The following MYLK4 variants were observed in gnomAD, a reference collection of about 807,000 sequenced individuals.
The protein encoded by MYLK4 is caMLCK like.
Under a neutral mutation model 48.1 loss-of-function variants are expected in MYLK4, and 46 were observed. The ratio of observed to expected loss-of-function variants is 0.96; its 90% CI spans 0.75 to 1.22. The LOEUF is 1.22. Ranked by LOEUF, MYLK4 falls within the 50% of genes most tolerant of loss-of-function variation. MYLK4 has a pLI of 0.00. For missense variants in MYLK4, 451 were observed against 486.1 expected, an observed-to-expected ratio of 0.93 and a Z score of 0.68; for synonymous variants, 170 against 180.8, an observed-to-expected ratio of 0.94 and a Z score of 0.48.
At chr6:2,709,892 C>T (rs947660426) in intron 2 of MYLK4, among the ~76,000 whole-genome samples, 1 of 152,190 alleles carries the variant, frequency 6.6e-6, no homozygotes, top group Non-Finnish European at 1.5e-5. Context: ...AATACTGTCT[C>T]TGTCCCCAAG....
At chr6:2,755,197 A>G (rs9405585), upstream of MYLK4, among the ~76,000 whole-genome samples, 1 of 152,222 alleles carries the variant, frequency 6.6e-6, no homozygotes, top group African/African-American at 2.4e-5. Context: ...TATTACATAA[A>G]GTTTCAGTTT....
chr6:2,749,127 C>G lies in MYLK4; in HGVS notation c.159+9G>C, dbSNP rs774610486. 2 of 1,610,958 alleles carry G rather than the reference C, an allele frequency of 1.2e-6. No homozygotes were observed. Among genetic ancestry groups the G allele is most frequent in the Admixed American group, 3.4e-5 (2 of 59,564 alleles). ...TACTTTTTAGGAGACTAAATTAGAA[C>G]ATGATTACCTCATTATGTCCAGATC... On this transcript the variant is annotated intron_variant, in intron 2 of 12. Transcript: ENST00000274643.
chr6:2,709,672 GATTGA>G (rs1452287949), intron 2 of MYLK4, among the ~76,000 whole-genome samples: 3 of 152,246 alleles, frequency 2.0e-5, no homozygotes, highest in Non-Finnish European at 4.4e-5. Context: ...TTCAGTCACA[GATTGA>G]ATTGAGTTGA....
intron 2 of MYLK4, among the ~76,000 whole-genome samples, chr6:2,714,238 C>T (rs1202734989): frequency 2.0e-5 from 3 of 152,212 alleles, no homozygotes; most frequent in African/African-American, 7.2e-5. Flanking sequence ...ATTAGCATAA[C>T]ACATCTCACC....
At chr6:2,750,033 T>C (rs181878487) in intron 1 of MYLK4, among the ~76,000 whole-genome samples, 84 of 152,316 alleles carry the variant, frequency 5.5e-4, no homozygotes, top group Admixed American at 4.8e-3. Context: ...GCAAATGAAG[T>C]AATGCAGCAT....
intron 2 of MYLK4, among the ~76,000 whole-genome samples, chr6:2,724,852 A>G (rs1373067327): frequency 6.6e-6 from 1 of 152,222 alleles, no homozygotes; most frequent in Non-Finnish European, 1.5e-5. Context: ...GTTAAAGCCC[A>G]TAACACAACT....
chr6:2,711,105 A>G (rs1762656698), intron 2 of MYLK4, among the ~76,000 whole-genome samples: 1 of 152,160 alleles, frequency 6.6e-6, no homozygotes, highest in Admixed American at 6.6e-5. Context: ...GGGTGGGAAC[A>G]TCCTCCTCCG....
chr6:2,723,061 G>T lies in MYLK4; in HGVS notation c.159+26075C>A, dbSNP rs184804654. ...GATCCCAGCACTTTGGGAGGCTGAG[G>T]GGGGAGGATTGCATGAGCTCAGGAA... is the stretch of plus-strand genomic sequence containing the variant. On this transcript the variant is annotated intron_variant, in intron 2 of 12. Transcript: ENST00000274643. 1.2e-3 allele frequency among the ~76,000 whole-genome samples: 179 copies of T among 152,220 alleles called. 2 individuals carry two copies. The highest frequency in any genetic ancestry group is 2.2e-3 in the Non-Finnish European group (148 of 68,016).
chr6:2,767,062 C>T, the MYLK4 span, among the ~76,000 whole-genome samples: 272 of 152,322 alleles, frequency 1.8e-3, 5 homozygotes, highest in East Asian at 0.039. Flanking sequence ...TCATTTTCAT[C>T]CGGTATTTCC....
chr6:2,768,586 A>G, the MYLK4 span: 20 of 919,416 alleles, frequency 2.2e-5, no homozygotes, highest in Middle Eastern at 4.2e-3. Context: ...TCCGAGGTCA[A>G]GTTGCTTTTG....
intron 2 of MYLK4, among the ~76,000 whole-genome samples, chr6:2,698,272 C>T (rs995424986): frequency 1.3e-5 from 2 of 152,242 alleles, no homozygotes; most frequent in Admixed American, 1.3e-4. Flanking sequence ...CCCTGTCCTA[C>T]AGCTCTGTCC....
intron 2 of MYLK4, among the ~76,000 whole-genome samples, chr6:2,730,214 G>A (rs939823871): frequency 2.6e-5 from 4 of 152,300 alleles, no homozygotes; most frequent in Admixed American, 6.5e-5. Flanking sequence ...GAGGGGAAGC[G>A]CTGTCAGCTG....
intron 12 of MYLK4, 71 bp downstream of exon 12, chr6:2,671,205 T>G (rs1230472134): frequency 9.3e-7 from 1 of 1,080,870 alleles, no homozygotes; most frequent in African/African-American, 1.6e-5. Context: ...TGTGAGCAAA[T>G]GCTCCATTTA....
At chr6:2,687,860 C>T (rs556251089) in intron 4 of MYLK4, among the ~76,000 whole-genome samples, 30 of 152,298 alleles carry the variant, frequency 2.0e-4, no homozygotes, top group East Asian at 3.9e-4. Flanking sequence ...TGTATGTATA[C>T]GTGCAGATGT....
In MYLK4 at chr6:2,685,210, G is replaced by A; in HGVS notation, c.545+86C>T. 2 of 971,192 alleles carry A rather than the reference G, an allele frequency of 2.1e-6. No homozygotes were observed. The highest frequency in any genetic ancestry group is 3.3e-6 in the Non-Finnish European group (2 of 605,180). 60.2% of individuals were successfully genotyped at this position (971,192 alleles called of 1,614,324 possible). On this transcript the variant is annotated intron_variant, in intron 6 of 12. Coordinates refer to ENST00000274643, the MANE Select transcript of MYLK4 (RefSeq NM_001012418.5). The surrounding 1 kb of genome is among the most constrained non-coding windows in gnomAD (Gnocchi z 4.5). Reference sequence around the variant, plus strand: ...CGGGGGCGAGCTTGGTTCTGGTCCCGCTACAGCAGGACGGAGCTACTGAGG... The same window carrying A: ...CGGGGGCGAGCTTGGTTCTGGTCCCACTACAGCAGGACGGAGCTACTGAGG...
chr6:2,765,336 CACTT>C, the MYLK4 span: 13 of 260,244 alleles, frequency 5.0e-5, 1 homozygote, highest in Middle Eastern at 1.2e-3. Context: ...CCACGGACTA[CACTT>C]ACTTACATGC....
chr6:2,765,567 C>T, the MYLK4 span: 1 of 1,401,500 alleles, frequency 7.1e-7, no homozygotes, highest in Non-Finnish European at 9.2e-7. Flanking sequence ...CGAAGGCCTC[C>T]GCGTGCGCAC....
chr6:2,735,724 G>A (rs577053464), intron 2 of MYLK4, among the ~76,000 whole-genome samples: 1 of 152,304 alleles, frequency 6.6e-6, no homozygotes, highest in East Asian at 1.9e-4. Flanking sequence ...TGTAGTCGAT[G>A]CAAACTGGGG....
intron 2 of MYLK4, among the ~76,000 whole-genome samples, chr6:2,713,016 A>C (rs1231529499): frequency 1.3e-5 from 2 of 152,196 alleles, no homozygotes; most frequent in African/African-American, 4.8e-5. Context: ...TTTCCATTGG[A>C]TCCAAAGATT....
Sources: allele counts gnomAD v4.1 joint callset (sites outside exome capture counted in the v4.1 genomes callset), GRCh38; gene constraint gnomAD v4.1.1; non-coding constraint Gnocchi (gnomAD v3.1); transcripts MANE v1.5; gene names NCBI Gene and HGNC (gene_info 2026-07-23, HGNC 2026-07-21).